The following NEMP2 variants were observed in gnomAD, a reference collection of about 807,000 sequenced individuals.
The protein encoded by NEMP2 is UPF0571 transmembrane protein.
NEMP2 carries 53 observed loss-of-function variants against 54.2 expected under a neutral mutation model. That is an observed-to-expected ratio of 0.98 (90% CI 0.78 to 1.23). The LOEUF (loss-of-function observed/expected upper bound fraction) is 1.23. NEMP2 is among the 50% of genes most tolerant of loss of function. The pLI is 0.00. For synonymous variants in NEMP2, 197 were observed against 190.3 expected (o/e 1.04, Z -0.29); for missense variants, 455 against 511.3 (o/e 0.89, Z 1.06).
chr2:190,606,052 A>G, the NEMP2 span, among the ~76,000 whole-genome samples: 1 of 152,246 alleles, frequency 6.6e-6, no homozygotes, highest in Non-Finnish European at 1.5e-5. Flanking sequence ...TCTGAGGAAC[A>G]AGAGTTTCAC....
At chr2:190,518,887 T>A in intron 3 of NEMP2, 65 bp downstream of exon 3, 8 of 1,516,338 alleles carry the variant, frequency 5.3e-6, no homozygotes, top group Non-Finnish European at 7.1e-6. Flanking sequence ...AAAAAGTCAA[T>A]TTATTGAAAA....
chr2:190,496,179 G>A, the NEMP2 span, among the ~76,000 whole-genome samples: 138 of 150,762 alleles, frequency 9.2e-4, no homozygotes, highest in African/African-American at 3.2e-3. The surrounding 1 kb of genome is among the most constrained non-coding windows in gnomAD (Gnocchi z 4.7). Context: ...CTAAGGACAT[G>A]CATAAACAAT....
At chr2:190,630,570 G>A in the NEMP2 span, among the ~76,000 whole-genome samples, 3 of 151,974 alleles carry the variant, frequency 2.0e-5, no homozygotes, top group Non-Finnish European at 4.4e-5. The surrounding 1 kb of genome is among the most constrained non-coding windows in gnomAD (Gnocchi z 5.5). Context: ...GTCCTGATAC[G>A]GCTCCTTCTG....
downstream of NEMP2, chr2:190,499,948 C>T (rs187703722): frequency 3.1e-6 from 5 of 1,602,082 alleles, no homozygotes; most frequent in Admixed American, 3.3e-5. This position sits in a 1 kb window ranked among gnomAD's most constrained non-coding sequence, Gnocchi z 6.0. Context: ...TACTTGAAAG[C>T]ATATATAAAA....
At chr2:190,479,955 A>G in the NEMP2 span, among the ~76,000 whole-genome samples, 2 of 152,268 alleles carry the variant, frequency 1.3e-5, no homozygotes, top group Admixed American at 1.3e-4. Flanking sequence ...GCCAAGTAAG[A>G]AACATGTTTT....
rs931457779 is a variant in NEMP2, at chr2:190,531,169, G to A, written c.97+3390C>T. On this transcript the variant is annotated intron_variant, in intron 1 of 8. Transcript: ENST00000409150. The surrounding 1 kb of genome is among the most constrained non-coding windows in gnomAD (Gnocchi z 4.7). ...AATAATCATTCATTTGGTCAAAAGG[G>A]AACAATACCTGCCTAGGGAAAGCTA... 6.6e-6 allele frequency among the ~76,000 whole-genome samples: 1 copy of A among 152,160 alleles called. No individual in the cohort carries two copies. Among genetic ancestry groups the A allele is most frequent in the Non-Finnish European group, 1.5e-5 (1 of 68,030 alleles).
At chr2:190,572,801 T>C in the NEMP2 span, among the ~76,000 whole-genome samples, 1 of 126,358 alleles carries the variant, frequency 7.9e-6, no homozygotes, top group Admixed American at 8.9e-5. Context: ...TCTTCACTAT[T>C]ACAAACAACG....
At chr2:190,575,328 C>T in the NEMP2 span, among the ~76,000 whole-genome samples, 1 of 121,498 alleles carries the variant, frequency 8.2e-6, no homozygotes, top group Non-Finnish European at 2.0e-5. Flanking sequence ...CTATTTTTTT[C>T]TAATTTTTTT....
chr2:190,511,839 C>T (rs1690377540), intron 7 of NEMP2, among the ~76,000 whole-genome samples: 1 of 151,652 alleles, frequency 6.6e-6, no homozygotes. Flanking sequence ...CAGGCATGAG[C>T]CACTGCGCCC....
the NEMP2 span, among the ~76,000 whole-genome samples, chr2:190,643,464 A>C: frequency 2.0e-5 from 3 of 152,214 alleles, no homozygotes; most frequent in Non-Finnish European, 4.4e-5. Flanking sequence ...TGTGGGACAG[A>C]GATCTTGGCC....
At chr2:190,540,781 A>G in the NEMP2 span, among the ~76,000 whole-genome samples, 1 of 152,166 alleles carries the variant, frequency 6.6e-6, no homozygotes, top group Non-Finnish European at 1.5e-5. Flanking sequence ...CTCAATTTTT[A>G]AAAAGAGTTT....
the NEMP2 span, among the ~76,000 whole-genome samples, chr2:190,561,970 C>T: frequency 6.6e-6 from 1 of 152,122 alleles, no homozygotes; most frequent in African/African-American, 2.4e-5. This position sits in a 1 kb window ranked among gnomAD's most constrained non-coding sequence, Gnocchi z 5.4. Flanking sequence ...TGTTGCCCAT[C>T]TGTTTCATCT....
At chr2:190,590,791 C>A in the NEMP2 span, among the ~76,000 whole-genome samples, 1 of 152,136 alleles carries the variant, frequency 6.6e-6, no homozygotes, top group Non-Finnish European at 1.5e-5. This position sits in a 1 kb window ranked among gnomAD's most constrained non-coding sequence, Gnocchi z 5.1. Context: ...GTAATAAAGC[C>A]TTTTGTCTTA....
the NEMP2 span, among the ~76,000 whole-genome samples, chr2:190,586,995 C>A: frequency 6.6e-6 from 1 of 152,056 alleles, no homozygotes; most frequent in Non-Finnish European, 1.5e-5. The surrounding 1 kb of genome is among the most constrained non-coding windows in gnomAD (Gnocchi z 4.5). Context: ...TTTATGTAAT[C>A]ACATAAGTTC....
chr2:190,636,377 G>A, the NEMP2 span, among the ~76,000 whole-genome samples: 1 of 152,142 alleles, frequency 6.6e-6, no homozygotes, highest in Non-Finnish European at 1.5e-5. Context: ...ATCACTGTCA[G>A]CAGCAAAGGA....
chr2:190,615,783 A>C, the NEMP2 span, among the ~76,000 whole-genome samples: 1 of 152,174 alleles, frequency 6.6e-6, no homozygotes, highest in Admixed American at 6.5e-5. The surrounding 1 kb of genome is among the most constrained non-coding windows in gnomAD (Gnocchi z 4.7). Context: ...CACTTAGGAG[A>C]GTCCAAGCAT....
At chr2:190,601,503 T>G in the NEMP2 span, among the ~76,000 whole-genome samples, 1 of 152,282 alleles carries the variant, frequency 6.6e-6, no homozygotes, top group Non-Finnish European at 1.5e-5. This position sits in a 1 kb window ranked among gnomAD's most constrained non-coding sequence, Gnocchi z 5.8. Flanking sequence ...GGTTTGATGG[T>G]GCTAAGAAAT....
the NEMP2 span, among the ~76,000 whole-genome samples, chr2:190,493,768 T>C: frequency 6.6e-6 from 1 of 152,154 alleles, no homozygotes; most frequent in East Asian, 1.9e-4. Context: ...TCCTGAATTA[T>C]CATTGGGTCA....
chr2:190,645,188 T>C, the NEMP2 span, among the ~76,000 whole-genome samples: 1 of 152,214 alleles, frequency 6.6e-6, no homozygotes, highest in Non-Finnish European at 1.5e-5. Flanking sequence ...TACTTTTATA[T>C]ATAAGGAATA....
Sources: allele counts gnomAD v4.1 joint callset (sites outside exome capture counted in the v4.1 genomes callset), GRCh38; gene constraint gnomAD v4.1.1; non-coding constraint Gnocchi (gnomAD v3.1); transcripts MANE v1.5; gene names NCBI Gene and HGNC (gene_info 2026-07-23, HGNC 2026-07-21).